FLT1: variants seen among roughly 807,000 people sequenced by gnomAD.
FLT1 encodes the protein fms related receptor tyrosine kinase 1.
FLT1 carries 49 observed loss-of-function variants against 156.3 expected under a neutral mutation model. The observed-to-expected ratio is 0.31, with a 90% CI of 0.25 to 0.40. The LOEUF is 0.40. Ranked by LOEUF, FLT1 falls within the 10% of genes least tolerant of loss-of-function variation. FLT1 has a pLI of 1.00. For missense variants in FLT1, 1,322 were observed against 1,637.2 expected (o/e 0.81, Z 3.32); for synonymous variants, 594 against 583.8 (o/e 1.02, Z -0.25).
At chr13:28,456,092 C>T (rs1879247568) in intron 3 of FLT1, among the ~76,000 whole-genome samples, 1 of 152,070 alleles carries the variant, frequency 6.6e-6, no homozygotes, top group Non-Finnish European at 1.5e-5. Context: ...TTTCTATTGC[C>T]CTAAAATTGA....
rs1430176939 is a variant in FLT1 at position 28,384,865 on chromosome 13, A to G, written c.2116+20T>C. On this transcript the variant is annotated intron_variant, in intron 14 of 29. Transcript: ENST00000282397. The stretch of plus-strand genomic sequence containing the variant: ...ATGAAAGATGAGAAATAATAAATGG[A>G]AGAAAAAAAAGTCTCTTACCAGGCT... 1.2e-6 allele frequency: 2 copies of G among 1,612,160 alleles called. No homozygotes were observed. The highest frequency in any genetic ancestry group is 1.3e-5 in the African/African-American group (1 of 74,870).
Position 28,392,558 on chromosome 13 carries a change from G to A in FLT1, c.1661-2454C>T, listed in dbSNP as rs773655133. Among the ~76,000 whole-genome samples, 20 of 152,286 alleles carry A rather than the reference G, an allele frequency of 1.3e-4. No homozygotes were observed. The South Asian group carries it at 1.7e-3, about 13-fold the overall frequency. On this transcript the variant is annotated intron_variant, in intron 12 of 29. Transcript: ENST00000282397. ...GAGCCCAAGTAACACCATTGAGATC[G>A]TGTAGAGAGTTTCTATTTACTTTAG...
chr13:28,309,289 T>TG (rs2138810404), intron 27 of FLT1, among the ~76,000 whole-genome samples: 1 of 152,286 alleles, frequency 6.6e-6, no homozygotes, highest in East Asian at 1.9e-4. Flanking sequence ...CTTTATCAGG[T>TG]GCTCTGAAAA....
chr13:28,308,687 T>G (rs1870855448), intron 28 of FLT1, among the ~76,000 whole-genome samples, 156 bp downstream of exon 28: 1 of 152,122 alleles, frequency 6.6e-6, no homozygotes, highest in Non-Finnish European at 1.5e-5. Context: ...CACAGCTAGG[T>G]CTAGTTGTCA....
At chr13:28,482,977 T>C (rs1489306287) in intron 1 of FLT1, among the ~76,000 whole-genome samples, 1 of 152,174 alleles carries the variant, frequency 6.6e-6, no homozygotes. Context: ...GTGTCAAATA[T>C]TTCCTAACCC....
intron 16 of FLT1, among the ~76,000 whole-genome samples, chr13:28,340,006 G>C (rs922094657): frequency 4.6e-5 from 7 of 152,136 alleles, no homozygotes; most frequent in African/African-American, 1.7e-4. Context: ...CCTGAGGTTA[G>C]GAGTTCAAGA....
At position 28,434,186 on chromosome 13, in the gene FLT1, C is replaced by T. The variant is rs760170197; in HGVS notation, c.548G>A (p.Arg183His). ...GCCCTTTCTACTGTCCCAGATTATG[C>T]GTTTTCCATCAGGGATCAAAGTGTC... is the stretch of plus-strand genomic sequence containing the variant. ...PLDTLIPDGKRIIWDSRKGFI... is the reference protein window; with the variant it reads ...PLDTLIPDGKHIIWDSRKGFI... Residue 183 changes from arginine to histidine, a missense_variant, in exon 5 of 30, where the codon CGC (arginine) becomes CAC (histidine). This residue lies in a region of FLT1 where 991 missense variants were observed against 1,254.8 expected (regional missense o/e 0.79). Coordinates refer to ENST00000282397, the MANE Select transcript of FLT1 (RefSeq NM_002019.4). 7 of 1,613,958 alleles carry T rather than the reference C, an allele frequency of 4.3e-6. No homozygotes were observed. Among genetic ancestry groups the T allele is most frequent in the East Asian group, 2.2e-5 (1 of 44,858 alleles).
intron 1 of FLT1, among the ~76,000 whole-genome samples, chr13:28,479,484 G>A (rs1880726174): frequency 6.6e-6 from 1 of 152,050 alleles, no homozygotes; most frequent in South Asian, 2.1e-4. Flanking sequence ...GTATTTGTAA[G>A]AGCTGTGCTT....
intron 15 of FLT1, 180 bp from the exon 16 acceptor site, chr13:28,345,731 G>A: frequency 1.6e-6 from 1 of 610,418 alleles, no homozygotes; most frequent in Non-Finnish European, 2.9e-6. Context: ...CAGTATACAT[G>A]AACTCACATA....
At chr13:28,369,002 G>T (rs564339447) in intron 14 of FLT1, among the ~76,000 whole-genome samples, 42 of 152,146 alleles carry the variant, frequency 2.8e-4, no homozygotes, top group African/African-American at 9.6e-4. Flanking sequence ...ACTGTGCCTG[G>T]CTAGATTGGC....
intron 3 of FLT1, among the ~76,000 whole-genome samples, chr13:28,451,135 A>G (rs757692543): frequency 6.6e-6 from 1 of 152,202 alleles, no homozygotes; most frequent in Non-Finnish European, 1.5e-5. Flanking sequence ...CTCAGAACCA[A>G]CAGTTGGCCA....
At chr13:28,397,950 A>G (rs1875166545) in intron 11 of FLT1, among the ~76,000 whole-genome samples, 1 of 152,184 alleles carries the variant, frequency 6.6e-6, no homozygotes, top group Non-Finnish European at 1.5e-5. Context: ...TCAAAATTGC[A>G]TGAACTTGAA....
At chr13:28,414,714 C>A (rs1390570291) in intron 10 of FLT1, among the ~76,000 whole-genome samples, 1 of 152,168 alleles carries the variant, frequency 6.6e-6, no homozygotes, top group Non-Finnish European at 1.5e-5. Flanking sequence ...AGTGGGTGAG[C>A]AACACTTGTC....
chr13:28,446,169 TG>T (rs1878606180), intron 3 of FLT1, among the ~76,000 whole-genome samples: 1 of 152,140 alleles, frequency 6.6e-6, no homozygotes, highest in Non-Finnish European at 1.5e-5. Context: ...ACCTAATAAA[TG>T]GCATCTAGAA....
chr13:28,384,836 G>C (rs372755548), intron 14 of FLT1, 49 bp downstream of exon 14: 2 of 1,561,278 alleles, frequency 1.3e-6, no homozygotes. Flanking sequence ...GGAAAGGGGG[G>C]CTGATGAAAG....
At chr13:28,424,749 T>G (rs985375716) in intron 10 of FLT1, among the ~76,000 whole-genome samples, 9 of 152,152 alleles carry the variant, frequency 5.9e-5, no homozygotes, top group Admixed American at 2.6e-4. Flanking sequence ...TATTTGAGAG[T>G]AATGTGCATA....
At chr13:28,348,833 C>T (rs561940074) in intron 15 of FLT1, among the ~76,000 whole-genome samples, 16 of 151,462 alleles carry the variant, frequency 1.1e-4, no homozygotes, top group African/African-American at 2.4e-4. Flanking sequence ...TGCTTGAACG[C>T]GGGAGGCGGA....
intron 3 of FLT1, among the ~76,000 whole-genome samples, chr13:28,457,484 T>C (rs999266361): frequency 5.3e-5 from 8 of 152,230 alleles, no homozygotes; most frequent in Admixed American, 2.0e-4. Context: ...GGGTGTTTAC[T>C]GCTTTAGTAA....
intron 1 of FLT1, among the ~76,000 whole-genome samples, chr13:28,490,994 A>T (rs563340160): frequency 4.8e-4 from 73 of 152,264 alleles, no homozygotes; most frequent in African/African-American, 1.7e-3. Flanking sequence ...CCACATACAC[A>T]TATCAGTTTA....
Sources: gnomAD v4.1 joint callset for allele counts (sites outside exome capture counted in the v4.1 genomes callset) on GRCh38, gnomAD v4.1.1 for gene constraint, gnomAD v4.1.1 regional missense constraint, MANE v1.5 for transcripts, NCBI Gene and HGNC (gene_info 2026-07-23, HGNC 2026-07-21) for gene names.